Variants in CABCOCO1 observed in about 807,000 individuals in gnomAD.
CABCOCO1 encodes ciliary-associated calcium-binding coiled-coil protein 1.
In CABCOCO1, 28 loss-of-function variants were observed where a neutral mutation model predicts 35.7. The observed-to-expected ratio is 0.78, with a 90% confidence interval of 0.58 to 1.07. CABCOCO1 has a LOEUF of 1.07. Among genes scored for constraint, CABCOCO1 ranks in the 50% least tolerant of loss-of-function variants. The pLI, the probability that CABCOCO1 is intolerant of heterozygous loss-of-function variation, is 0.00. For synonymous variants in CABCOCO1, 95 were observed against 100.1 expected (o/e 0.95, Z 0.30); for missense variants, 326 against 309.2 (o/e 1.05, Z -0.41).
At chr10:61,674,025 G>A (rs1016335285) in intron 2 of CABCOCO1, among the ~76,000 whole-genome samples, 8 of 151,984 alleles carry the variant, frequency 5.3e-5, no homozygotes, top group Admixed American at 2.6e-4. Flanking sequence ...AGCACAATGC[G>A]AATAGCAGAC....
At chr10:61,752,121 T>C (rs1314108218) in intron 5 of CABCOCO1, among the ~76,000 whole-genome samples, 1 of 152,150 alleles carries the variant, frequency 6.6e-6, no homozygotes, top group Non-Finnish European at 1.5e-5. Context: ...ACCCATTCTG[T>C]ATAAGGGAAG....
chr10:61,707,911 T>A (rs1564542859), intron 5 of CABCOCO1, among the ~76,000 whole-genome samples: 1 of 152,034 alleles, frequency 6.6e-6, no homozygotes, highest in South Asian at 2.1e-4. Context: ...CCACAGGTAG[T>A]TGGATTACCA....
At chr10:61,752,490 A>G (rs1841810139) in intron 5 of CABCOCO1, among the ~76,000 whole-genome samples, 1 of 152,200 alleles carries the variant, frequency 6.6e-6, no homozygotes, top group African/African-American at 2.4e-5. Context: ...CACACAAACT[A>G]TGAATAAAAT....
intron 5 of CABCOCO1, among the ~76,000 whole-genome samples, chr10:61,711,066 T>C (rs1020343654): frequency 6.6e-6 from 1 of 151,876 alleles, no homozygotes; most frequent in Non-Finnish European, 1.5e-5. Flanking sequence ...AAAGGAGTTA[T>C]GGGATAAATA....
chr10:61,715,220 G>T (rs1840832425), intron 5 of CABCOCO1, among the ~76,000 whole-genome samples: 2 of 152,074 alleles, frequency 1.3e-5, no homozygotes, highest in Non-Finnish European at 2.9e-5. Context: ...TATATATTTA[G>T]GATAGTTAGC....
At chr10:61,754,518 G>A (rs770569219) in intron 5 of CABCOCO1, among the ~76,000 whole-genome samples, 34 of 152,172 alleles carry the variant, frequency 2.2e-4, no homozygotes, top group Non-Finnish European at 3.1e-4. Context: ...TTAAGCAGGA[G>A]TACACTTAAA....
At chr10:61,759,560 G>A (rs1469496138) in intron 5 of CABCOCO1, among the ~76,000 whole-genome samples, 2 of 151,932 alleles carry the variant, frequency 1.3e-5, no homozygotes, top group Non-Finnish European at 2.9e-5. Context: ...TGATCTACTG[G>A]CTTCATATAT....
At chr10:61,727,852 T>G (rs984088103) in intron 5 of CABCOCO1, among the ~76,000 whole-genome samples, 1 of 152,218 alleles carries the variant, frequency 6.6e-6, no homozygotes, top group African/African-American at 2.4e-5. Context: ...TGCTAATGTA[T>G]GAATACTTTT....
intron 5 of CABCOCO1, among the ~76,000 whole-genome samples, 188 bp from the exon 6 acceptor site, chr10:61,759,871 G>A (rs1841970188): frequency 6.6e-6 from 1 of 152,004 alleles, no homozygotes. Flanking sequence ...AAAACAAAGT[G>A]TTAATTTTGA....
At position 61,681,220 on chromosome 10, in the gene CABCOCO1, C is replaced by G. The variant is rs771504743; in HGVS notation, c.242C>G (p.Ser81Cys). 1.9e-6 allele frequency: 3 copies of G among 1,556,130 alleles called. No individual in the cohort carries two copies. Among genetic ancestry groups the G allele is most frequent in the East Asian group, 2.3e-5 (1 of 43,108 alleles). Residue 81 changes from serine to cysteine, a missense_variant, in exon 3 of 8, where the codon TCT becomes TGT. Physicochemically the swap from Ser to Cys is moderately radical, Grantham distance 112. Coordinates refer to ENST00000648843, the MANE Select transcript of CABCOCO1 (RefSeq NM_001366906.2). The stretch of plus-strand genomic sequence containing the variant: ...GCCATTCTACTAGATTATTATGTAT[C>G]TGGATTTTTGTGGGCTAGAGGAATG... ...KDAILLDYYV[S>C]GFLWARGMDF...
chr10:61,680,678 G>A (rs988667094), intron 2 of CABCOCO1, among the ~76,000 whole-genome samples: 1,043 of 69,666 alleles, frequency 0.015, 37 homozygotes, highest in Non-Finnish European at 0.021. Flanking sequence ...TAACATATAT[G>A]TTATACATGT....
intron 5 of CABCOCO1, among the ~76,000 whole-genome samples, chr10:61,709,776 A>T (rs1226189752): frequency 6.6e-6 from 1 of 151,898 alleles, no homozygotes; most frequent in Non-Finnish European, 1.5e-5. Context: ...CCAGCACTGT[A>T]TCACTATTGG....
At chr10:61,742,468 GA>G (rs952612292) in intron 5 of CABCOCO1, among the ~76,000 whole-genome samples, 21 of 150,324 alleles carry the variant, frequency 1.4e-4, no homozygotes, top group Non-Finnish European at 2.8e-4. Context: ...AAACTACAAA[GA>G]AAAAAAAAGG....
intron 5 of CABCOCO1, among the ~76,000 whole-genome samples, chr10:61,725,539 C>T (rs1841127086): frequency 6.9e-6 from 1 of 144,582 alleles, no homozygotes; most frequent in African/African-American, 2.6e-5. Flanking sequence ...TGTTCTCACT[C>T]ATAGGTGGGA....
At chr10:61,683,726 G>A (rs1169881558) in intron 3 of CABCOCO1, among the ~76,000 whole-genome samples, 1 of 152,042 alleles carries the variant, frequency 6.6e-6, no homozygotes, top group Non-Finnish European at 1.5e-5. Flanking sequence ...TTTACTATTT[G>A]AGTGGCTTAA....
At chr10:61,693,964 T>C (rs1450807075) in intron 5 of CABCOCO1, among the ~76,000 whole-genome samples, 1 of 151,884 alleles carries the variant, frequency 6.6e-6, no homozygotes, top group Non-Finnish European at 1.5e-5. Flanking sequence ...GACAGACAGA[T>C]AGAAAAACCA....
intron 5 of CABCOCO1, among the ~76,000 whole-genome samples, chr10:61,707,821 G>T (rs754593799): frequency 6.6e-6 from 1 of 152,096 alleles, no homozygotes; most frequent in African/African-American, 2.4e-5. Flanking sequence ...ACACAAAAAA[G>T]TGTGGAGAAT....
At chr10:61,689,223 C>T (rs1307879941) in intron 4 of CABCOCO1, among the ~76,000 whole-genome samples, 1 of 152,070 alleles carries the variant, frequency 6.6e-6, no homozygotes, top group African/African-American at 2.4e-5. Flanking sequence ...CAGTTATTGC[C>T]AGTCTAATAT....
chr10:61,711,866 T>C (rs926388316), intron 5 of CABCOCO1, among the ~76,000 whole-genome samples: 13 of 151,772 alleles, frequency 8.6e-5, no homozygotes, highest in African/African-American at 3.1e-4. Flanking sequence ...AAAGAAGAAA[T>C]AAAAAAGGAA....
Sources: allele counts gnomAD v4.1 joint callset (sites outside exome capture counted in the v4.1 genomes callset), GRCh38; gene constraint gnomAD v4.1.1; transcripts MANE v1.5; gene names NCBI Gene and HGNC (gene_info 2026-07-23, HGNC 2026-07-21).